The following ZNF572 variants were observed in gnomAD, a reference collection of about 807,000 sequenced individuals.
ZNF572 encodes the protein zinc finger protein 572.
In ZNF572, 2 loss-of-function variants were observed where a neutral mutation model predicts 3.8. The ratio of observed to expected loss-of-function variants is 0.52; its 90% CI spans 0.21 to 1.65. The LOEUF (loss-of-function observed/expected upper bound fraction) is 1.65. Among genes scored for constraint, ZNF572 ranks in the 40% most tolerant of loss-of-function variants. ZNF572 has a pLI of 0.20. For missense variants in ZNF572, 581 were observed against 633.4 expected (o/e 0.92, Z 0.89); for synonymous variants, 187 against 204.5 (o/e 0.91, Z 0.73).
In ZNF572 at chr8:124,977,020, A is replaced by G; in HGVS notation, c.752A>G (p.Lys251Arg). ...CCATATGAATGTTCTGTCTGCGGAA[A>G]AGGCTTCAGTCACAGCTATGTCCTA... is the stretch of plus-strand genomic sequence containing the variant. ...EKPYECSVCGKGFSHSYVLIE... is the reference protein window; with the variant it reads ...EKPYECSVCGRGFSHSYVLIE... The change falls in exon 3 of 3, where the codon AAA becomes AGA. Residue 251 changes from lysine to arginine, a missense_variant. Physicochemically the swap from Lys to Arg is conservative, Grantham distance 26 (BLOSUM62 2). Transcript: ENST00000319286. 1 of 1,613,956 alleles carries G rather than the reference A, an allele frequency of 6.2e-7. No individual in the cohort carries two copies. Among genetic ancestry groups the G allele is most frequent in the Non-Finnish European group, 8.5e-7 (1 of 1,180,026 alleles).
Position 124,976,827 on chromosome 8 carries a change from C to A in ZNF572, c.559C>A (p.Pro187Thr). The A allele has an allele frequency of 1.9e-6, 3 of 1,612,518 alleles. No homozygotes were observed. The highest frequency in any genetic ancestry group is 2.5e-6 in the Non-Finnish European group (3 of 1,179,438). Residue 187 changes from proline to threonine, a missense_variant, in exon 3 of 3, where the codon CCC (proline) becomes ACC (threonine). By Grantham distance (38) the Pro-to-Thr change is conservative. Coordinates refer to ENST00000319286, the MANE Select transcript of ZNF572 (RefSeq NM_152412.3). ...QHLRMHTGEK[P>T]YQCGECGKSF... is the part of the protein sequence containing the mutation. ...TCTAAGAATGCACACAGGAGAGAAG[C>A]CCTACCAGTGTGGTGAATGTGGGAA...
intron 1 of ZNF572, among the ~76,000 whole-genome samples, chr8:124,975,122 C>T (rs1303794788): frequency 6.6e-6 from 1 of 152,060 alleles, no homozygotes; most frequent in Non-Finnish European, 1.5e-5. Context: ...TATATAAATC[C>T]TAACTTTCCT....
chr8:124,976,543 C>T lies in ZNF572; in HGVS notation c.275C>T (p.Ser92Leu). The change falls in exon 3 of 3, where the codon TCA becomes TTA. Residue 92 changes from serine to leucine, a missense_variant. Coordinates refer to ENST00000319286, the MANE Select transcript of ZNF572 (RefSeq NM_152412.3). The stretch of plus-strand genomic sequence containing the variant: ...GATTCCTATGAGAGTGATGGCAAGT[C>T]AGAGAATTGGGGAAATTTTATAGCT... Reference protein sequence around the residue: ...CHDSYESDGKSENWGNFIAKE... With the variant: ...CHDSYESDGKLENWGNFIAKE... 1.2e-6 allele frequency: 2 copies of T among 1,614,096 alleles called. No individual in the cohort carries two copies. Among genetic ancestry groups the T allele is most frequent in the South Asian group, 2.2e-5 (2 of 91,070 alleles).
rs1398517199 is a variant in ZNF572, at chr8:124,977,031, C to T, written c.763C>T (p.His255Tyr). The change falls in exon 3 of 3, where the codon CAC becomes TAC. Residue 255 changes from histidine (H) to tyrosine (Y), a missense_variant. Physicochemically the swap from His to Tyr is moderately conservative, Grantham distance 83. Transcript: ENST00000319286. ...ECSVCGKGFS[H>Y]SYVLIEHQRT... is the part of the protein sequence containing the mutation. ...TTCTGTCTGCGGAAAAGGCTTCAGT[C>T]ACAGCTATGTCCTAATAGAACATCA... The T allele has an allele frequency of 6.2e-7, 1 of 1,613,620 alleles. No homozygotes were observed. The highest frequency in any genetic ancestry group is 2.2e-5 in the East Asian group (1 of 44,878).
Position 124,977,837 on chromosome 8 carries a change from C to T in ZNF572, c.1569C>T (p.Ser523=), listed in dbSNP as rs73706181. ...AAATGCCCTTCATCTCTTCATTTTCCGTCTCAAATTCATCTTCCTGAGTCC... is the reference window on the plus strand; with the variant it reads ...AAATGCCCTTCATCTCTTCATTTTCTGTCTCAAATTCATCTTCCTGAGTCC... ...SGEMPFISSF[S]VSNSSS Residue 523 remains serine (S), a synonymous_variant, in exon 3 of 3, where the codon TCC becomes TCT. Transcript: ENST00000319286. 0.037 allele frequency: 59,059 copies of T among 1,585,186 alleles called. 1,458 individuals are homozygous for T. The highest frequency in any genetic ancestry group is 0.12 in the African/African-American group (8,848 of 73,822).
chr8:124,977,012 C>T lies in ZNF572; in HGVS notation c.744C>T (p.Val248=), dbSNP rs772876316. Residue 248 remains valine, a synonymous_variant, in exon 3 of 3, where the codon GTC becomes GTT. Transcript: ENST00000319286. ...HTGEKPYECS[V]CGKGFSHSYV... is the part of the protein sequence containing the mutation. The stretch of plus-strand genomic sequence containing the variant: ...GTGAAAAACCATATGAATGTTCTGT[C>T]TGCGGAAAAGGCTTCAGTCACAGCT... The T allele has an allele frequency of 6.2e-7, 1 of 1,613,892 alleles. No homozygotes were observed.
At position 124,977,084 on chromosome 8, in the gene ZNF572, T is replaced by C. The variant is rs781233770; in HGVS notation, c.816T>C (p.Tyr272=). 2 of 1,610,448 alleles carry C rather than the reference T, an allele frequency of 1.2e-6. No individual in the cohort carries two copies. Among genetic ancestry groups the C allele is most frequent in the Non-Finnish European group, 1.7e-6 (2 of 1,180,012 alleles). Residue 272 remains tyrosine, a synonymous_variant, in exon 3 of 3, where the codon TAT becomes TAC. Transcript: ENST00000319286. ...HQRTHTGEKP[Y]KCPDCGKSFS... is the part of the protein sequence containing the mutation. ...GGACTCACACTGGAGAAAAACCTTA[T>C]AAGTGCCCTGATTGTGGGAAGAGTT...
chr8:124,974,527 ATATACTATTTT>A (rs1346075517), intron 1 of ZNF572, among the ~76,000 whole-genome samples: 2 of 152,214 alleles, frequency 1.3e-5, no homozygotes, highest in African/African-American at 4.8e-5. Flanking sequence ...ATATAAGTAC[ATATACTATTTT>A]TTGTTTTTAA....
Position 124,976,818 on chromosome 8 carries a change from G to A in ZNF572, c.550G>A (p.Gly184Arg), listed in dbSNP as rs2129825076. 6.2e-7 allele frequency: 1 copy of A among 1,614,220 alleles called. No homozygotes were observed. Among genetic ancestry groups the A allele is most frequent in the Non-Finnish European group, 8.5e-7 (1 of 1,180,038 alleles). Reference protein sequence around the residue: ...HLIQHLRMHTGEKPYQCGECG... With the variant: ...HLIQHLRMHTREKPYQCGECG... ...GATTCAGCATCTAAGAATGCACACA[G>A]GAGAGAAGCCCTACCAGTGTGGTGA... The change falls in exon 3 of 3, where the codon GGA becomes AGA. Residue 184 changes from glycine to arginine, a missense_variant. Physicochemically the swap from Gly to Arg is moderately radical, Grantham distance 125 (BLOSUM62 -2). Coordinates refer to ENST00000319286, the MANE Select transcript of ZNF572 (RefSeq NM_152412.3).
chr8:124,975,576 C>A (rs1304351631), intron 1 of ZNF572, 30 bp from the exon 2 acceptor site: 1 of 1,327,798 alleles, frequency 7.5e-7, no homozygotes, highest in Non-Finnish European at 1.1e-6. Flanking sequence ...TTAACAAATA[C>A]CTCCAAACAT....
chr8:124,973,636 C>G (rs1814465488), intron 1 of ZNF572, among the ~76,000 whole-genome samples: 1 of 152,318 alleles, frequency 6.6e-6, no homozygotes, highest in East Asian at 1.9e-4. Flanking sequence ...AACTTCACCC[C>G]CCAGCGTCTC....
rs752250198 is a variant in ZNF572 at position 124,976,547 on chromosome 8, G to T, written c.279G>T (p.Glu93Asp). The change falls in exon 3 of 3, where the codon GAG (glutamate) becomes GAT (aspartate). Residue 93 changes from glutamate (E) to aspartate (D), a missense_variant. Transcript: ENST00000319286. Reference protein sequence around the residue: ...HDSYESDGKSENWGNFIAKEE... With the variant: ...HDSYESDGKSDNWGNFIAKEE... ...CCTATGAGAGTGATGGCAAGTCAGA[G>T]AATTGGGGAAATTTTATAGCTAAAG... 6 of 1,614,006 alleles carry T rather than the reference G, an allele frequency of 3.7e-6. No homozygotes were observed. Among genetic ancestry groups the T allele is most frequent in the African/African-American group, 1.3e-5 (1 of 74,918 alleles).
Position 124,977,662 on chromosome 8 carries a change from A to G in ZNF572, c.1394A>G (p.Glu465Gly). ...AGGCACCGGAGGACCCACATAGGGG[A>G]AAAACCTTACAAATGTACCAGCTGT... ...LIRHRRTHIG[E>G]KPYKCTSCEK... Residue 465 changes from glutamate (E) to glycine (G), a missense_variant, in exon 3 of 3, where the codon GAA (glutamate) becomes GGA (glycine). By Grantham distance (98) the Glu-to-Gly change is moderately conservative. Coordinates refer to ENST00000319286, the MANE Select transcript of ZNF572 (RefSeq NM_152412.3). The G allele has an allele frequency of 1.9e-6, 3 of 1,614,212 alleles. No individual in the cohort carries two copies. Among genetic ancestry groups the G allele is most frequent in the Non-Finnish European group, 2.5e-6 (3 of 1,180,022 alleles).
At position 124,977,725 on chromosome 8, in the gene ZNF572, A is replaced by G. The variant is rs762382750; in HGVS notation, c.1457A>G (p.His486Arg). Reference protein sequence around the residue: ...CFSRSAYLSQHRKIHVEKPFE... With the variant: ...CFSRSAYLSQRRKIHVEKPFE... ...AGCAGAAGTGCCTACCTCAGTCAGC[A>G]TCGGAAAATTCACGTAGAAAAGCCT... Residue 486 changes from histidine to arginine, a missense_variant, in exon 3 of 3, where the codon CAT becomes CGT. Transcript: ENST00000319286. The G allele has an allele frequency of 3.7e-6, 6 of 1,614,132 alleles. No individual in the cohort carries two copies. The highest frequency in any genetic ancestry group is 2.7e-5 in the African/African-American group (2 of 74,956).
chr8:124,977,451 C>T lies in ZNF572; in HGVS notation c.1183C>T (p.Leu395Phe), dbSNP rs772060013. ...TTGTGAATGTGGGAAGAGTTTTGGCCTTAGCTCCCATCTCATTAGACATCA... is the reference window on the plus strand; with the variant it reads ...TTGTGAATGTGGGAAGAGTTTTGGCTTTAGCTCCCATCTCATTAGACATCA... ...RCCECGKSFG[L>F]SSHLIRHQRT... Residue 395 changes from leucine (L) to phenylalanine (F), a missense_variant, in exon 3 of 3, where the codon CTT becomes TTT. Leu to Phe is a conservative substitution (Grantham distance 22). Coordinates refer to ENST00000319286, the MANE Select transcript of ZNF572 (RefSeq NM_152412.3). 6.2e-7 allele frequency: 1 copy of T among 1,614,102 alleles called. No individual in the cohort carries two copies. The highest frequency in any genetic ancestry group is 8.5e-7 in the Non-Finnish European group (1 of 1,180,016).
chr8:124,974,343 A>G (rs1814476550), intron 1 of ZNF572, among the ~76,000 whole-genome samples: 1 of 152,226 alleles, frequency 6.6e-6, no homozygotes, highest in Admixed American at 6.5e-5. Context: ...GTCCTGCTCT[A>G]CCACTTTCTA....
Position 124,977,950 on chromosome 8 carries a change from GAT to G in ZNF572, c.*93_*94del. The G allele has an allele frequency of 7.3e-7, 1 of 1,375,912 alleles. No individual in the cohort carries two copies. The highest frequency in any genetic ancestry group is 9.7e-7 in the Non-Finnish European group (1 of 1,033,514). 85.2% of individuals were successfully genotyped at this position (1,375,912 alleles called of 1,614,324 possible). A position where few individuals can be genotyped will look rare whatever the true frequency, so the allele number is the denominator to read the frequency against. On this transcript the variant is annotated 3_prime_UTR_variant, in exon 3 of 3. Coordinates refer to ENST00000319286, the MANE Select transcript of ZNF572 (RefSeq NM_152412.3). Reference sequence around the variant, plus strand: ...GATTGTTGTGCTATAAAGTTTCTTTGATGTGTTTGTCAAAACATTTGGAAAAA... The same window carrying G: ...GATTGTTGTGCTATAAAGTTTCTTTGGTGTTTGTCAAAACATTTGGAAAAA...
rs757513052 is a variant in ZNF572 at position 124,977,546 on chromosome 8, C to T, written c.1278C>T (p.Thr426=). Residue 426 remains threonine (T), a synonymous_variant, in exon 3 of 3, where the codon ACC becomes ACT. Transcript: ENST00000319286. ...GGAAAACTTTCAGTCAGAGTTCCACCCTGGTGATTCACCAAAGGACACATA... is the reference window on the plus strand; with the variant it reads ...GGAAAACTTTCAGTCAGAGTTCCACTCTGGTGATTCACCAAAGGACACATA... ...ECWKTFSQSS[T]LVIHQRTHTG... is the part of the protein sequence containing the mutation. The T allele has an allele frequency of 3.7e-6, 6 of 1,614,186 alleles. No individual in the cohort carries two copies. Among genetic ancestry groups the T allele is most frequent in the Non-Finnish European group, 5.1e-6 (6 of 1,180,022 alleles).
intron 2 of ZNF572, 64 bp downstream of exon 2, chr8:124,975,783 G>C: frequency 7.9e-7 from 1 of 1,267,568 alleles, no homozygotes; most frequent in Non-Finnish European, 1.1e-6. Context: ...CAGGACACTA[G>C]AATGAGACAA....
Sources: gnomAD v4.1 joint callset for allele counts (sites outside exome capture counted in the v4.1 genomes callset) on GRCh38, gnomAD v4.1.1 for gene constraint, MANE v1.5 for transcripts, NCBI Gene and HGNC (gene_info 2026-07-23, HGNC 2026-07-21) for gene names.